ANO3: variants seen among roughly 807,000 people sequenced by gnomAD.
The protein encoded by ANO3 is anoctamin-3.
In ANO3, 99 loss-of-function variants were observed where a neutral mutation model predicts 144.8. That is an observed-to-expected ratio of 0.68 (90% CI 0.58 to 0.81). The LOEUF (loss-of-function observed/expected upper bound fraction) is 0.81. Among genes scored for constraint, ANO3 ranks in the 30% least tolerant of loss-of-function variants. The pLI, the probability that ANO3 is intolerant of heterozygous loss-of-function variation, is 0.00. For synonymous variants in ANO3, 414 were observed against 392.6 expected (o/e 1.05, Z -0.64); for missense variants, 905 against 1,202.2 (o/e 0.75, Z 3.66).
At chr11:26,288,479 G>A (rs1289563407) in intron 1 of ANO3, among the ~76,000 whole-genome samples, 1 of 151,922 alleles carries the variant, frequency 6.6e-6, no homozygotes, top group African/African-American at 2.4e-5. Flanking sequence ...TCTGTGAGTG[G>A]GTAGGAAAGG....
chr11:26,246,941 C>A (rs1397707407), intron 1 of ANO3, among the ~76,000 whole-genome samples: 1 of 152,104 alleles, frequency 6.6e-6, no homozygotes, highest in Non-Finnish European at 1.5e-5. Flanking sequence ...TCTCTTTCTC[C>A]TTATTTTTCT....
intron 14 of ANO3, among the ~76,000 whole-genome samples, chr11:26,578,843 C>G (rs1277559382): frequency 6.6e-6 from 1 of 152,170 alleles, no homozygotes; most frequent in Admixed American, 6.5e-5. Context: ...GACTCTTCAA[C>G]CTACAAATGG....
intron 1 of ANO3, among the ~76,000 whole-genome samples, chr11:26,202,037 T>C (rs1851704090): frequency 6.6e-6 from 1 of 151,024 alleles, no homozygotes; most frequent in Non-Finnish European, 1.5e-5. Context: ...AAATTTGAGA[T>C]ACAGCTTGCA....
At chr11:26,476,055 T>C (rs1859956180) in intron 4 of ANO3, among the ~76,000 whole-genome samples, 1 of 152,150 alleles carries the variant, frequency 6.6e-6, no homozygotes, top group Non-Finnish European at 1.5e-5. Flanking sequence ...ATTCTGATGC[T>C]ATTGGTGCAG....
chr11:26,495,300 G>A (rs1391299227), intron 4 of ANO3, among the ~76,000 whole-genome samples: 3 of 148,328 alleles, frequency 2.0e-5, no homozygotes, highest in Non-Finnish European at 3.0e-5. Context: ...TGTAGAGATA[G>A]GGTTTCTCTG....
chr11:26,529,391 T>A (rs1235931978), intron 7 of ANO3, among the ~76,000 whole-genome samples: 1 of 952 alleles, frequency 1.1e-3, no homozygotes. Context: ...TATATATTAT[T>A]ATATATTATA....
chr11:26,243,312 C>G (rs56321250), intron 1 of ANO3, among the ~76,000 whole-genome samples: 1 of 151,904 alleles, frequency 6.6e-6, no homozygotes, highest in Admixed American at 6.6e-5. Flanking sequence ...ATTCTCTTCT[C>G]TTTCTCTTAA....
chr11:26,366,123 T>A (rs1330146790), intron 1 of ANO3, among the ~76,000 whole-genome samples: 1 of 151,930 alleles, frequency 6.6e-6, no homozygotes, highest in Admixed American at 6.6e-5. Flanking sequence ...TAGGTATATC[T>A]CCTAATGCTA....
intron 1 of ANO3, among the ~76,000 whole-genome samples, chr11:26,398,639 A>G (rs977524593): frequency 2.0e-5 from 3 of 152,062 alleles, no homozygotes; most frequent in Admixed American, 6.6e-5. Context: ...AGTGAGAGTA[A>G]CTGTGTAAAG....
chr11:26,307,399 T>C (rs1408343333), upstream of ANO3, among the ~76,000 whole-genome samples: 1 of 149,328 alleles, frequency 6.7e-6, no homozygotes, highest in Admixed American at 6.7e-5. Context: ...CCTCCAGATG[T>C]AGTTAATAAT....
rs1213771441 is a variant in ANO3 at position 26,655,182 on chromosome 11, T to TCTC, written c.2577-942_2577-940dup. Among the ~76,000 whole-genome samples, 4 of 152,236 alleles carry TCTC rather than the reference T, an allele frequency of 2.6e-5. No individual in the cohort carries two copies. In the East Asian group the frequency reaches 7.7e-4, roughly 29 times the overall value. On this transcript the variant is annotated intron_variant, in intron 24 of 26. Coordinates refer to ENST00000256737, the MANE Select transcript of ANO3 (RefSeq NM_031418.4). ...AGGCTGCCCAAGAACTTAGCAAATATCTCATGAGAAAACATCCAGGCATTT... is the reference window on the plus strand; with the variant it reads ...AGGCTGCCCAAGAACTTAGCAAATATCTCCTCATGAGAAAACATCCAGGCATTT...
At chr11:26,551,214 T>G (rs1204303996) in intron 12 of ANO3, among the ~76,000 whole-genome samples, 2 of 151,986 alleles carry the variant, frequency 1.3e-5, no homozygotes, top group Non-Finnish European at 2.9e-5. Flanking sequence ...AGAAAATTTA[T>G]CGCTACTTTT....
At chr11:26,289,336 T>C (rs1020321645) in intron 1 of ANO3, among the ~76,000 whole-genome samples, 8 of 151,662 alleles carry the variant, frequency 5.3e-5, no homozygotes, top group African/African-American at 1.9e-4. Flanking sequence ...AATGGGATAA[T>C]AATACTCATG....
At chr11:26,402,693 C>T (rs946477432) in intron 1 of ANO3, among the ~76,000 whole-genome samples, 1 of 151,972 alleles carries the variant, frequency 6.6e-6, no homozygotes, top group South Asian at 2.1e-4. Flanking sequence ...GAACAATACA[C>T]ACTGGGGACT....
chr11:26,545,905 TCTTCTC>T (rs879761330), intron 11 of ANO3, among the ~76,000 whole-genome samples: 295 of 18,802 alleles, frequency 0.016, 3 homozygotes, highest in Middle Eastern at 0.11. Context: ...ACCAGCTCCT[TCTTCTC>T]CTGACACAGA....
At chr11:26,486,484 T>G (rs1860458338) in intron 4 of ANO3, among the ~76,000 whole-genome samples, 1 of 152,164 alleles carries the variant, frequency 6.6e-6, no homozygotes, top group African/African-American at 2.4e-5. Flanking sequence ...GTGACTACAT[T>G]GGAAAGCAGT....
chr11:26,235,604 T>A (rs954168406), intron 1 of ANO3, among the ~76,000 whole-genome samples: 16 of 152,118 alleles, frequency 1.1e-4, no homozygotes, highest in African/African-American at 3.9e-4. Flanking sequence ...CTTTTTTTTT[T>A]TTTTTTTGGT....
At chr11:26,646,596 T>A (rs956168083) in intron 23 of ANO3, among the ~76,000 whole-genome samples, 18 of 152,128 alleles carry the variant, frequency 1.2e-4, no homozygotes, top group African/African-American at 4.3e-4. Context: ...TGGATTTTTT[T>A]AAATCTTATT....
chr11:26,253,166 C>A (rs1852973705), intron 1 of ANO3, among the ~76,000 whole-genome samples: 1 of 152,104 alleles, frequency 6.6e-6, no homozygotes, highest in Admixed American at 6.5e-5. Flanking sequence ...TCTCTACACA[C>A]AAAAAACACA....
Sources: allele counts gnomAD v4.1 joint callset (sites outside exome capture counted in the v4.1 genomes callset), GRCh38; gene constraint gnomAD v4.1.1; transcripts MANE v1.5; gene names NCBI Gene and HGNC (gene_info 2026-07-23, HGNC 2026-07-21).